FAT3: variants seen among roughly 807,000 people sequenced by gnomAD.
FAT3 encodes the protein protocadherin Fat 3.
Under a neutral mutation model 310.2 loss-of-function variants are expected in FAT3, and 95 were observed. The ratio of observed to expected loss-of-function variants is 0.31; its 90% CI spans 0.26 to 0.36. The LOEUF is 0.36. Among genes scored for constraint, FAT3 ranks in the 10% least tolerant of loss-of-function variants. FAT3 has a pLI of 1.00. For missense variants in FAT3, 5,408 were observed against 5,715.6 expected, an observed-to-expected ratio of 0.95 and a Z score of 1.74; for synonymous variants, 2,314 against 2,192.9, an observed-to-expected ratio of 1.06 and a Z score of -1.54.
intron 1 of FAT3, among the ~76,000 whole-genome samples, chr11:92,278,807 T>C (rs1946347545): frequency 6.6e-6 from 1 of 152,094 alleles, no homozygotes; most frequent in Admixed American, 6.6e-5. Context: ...TTAGTAAAGG[T>C]ATGGAGCTAG....
At chr11:92,566,195 A>G in intron 3 of FAT3, among the ~76,000 whole-genome samples, 1 of 152,208 alleles carries the variant, frequency 6.6e-6, no homozygotes, top group Non-Finnish European at 1.5e-5. Context: ...TAGTCTCAGG[A>G]TACAAAATCA....
chr11:92,526,028 T>C (rs1051562146), intron 3 of FAT3, among the ~76,000 whole-genome samples: 17 of 152,232 alleles, frequency 1.1e-4, no homozygotes, highest in Non-Finnish European at 2.5e-4. Context: ...TTTTGCATTC[T>C]AACAGTGTTG....
At chr11:92,557,885 A>G (rs1955078126) in intron 3 of FAT3, among the ~76,000 whole-genome samples, 1 of 152,322 alleles carries the variant, frequency 6.6e-6, no homozygotes, top group Admixed American at 6.5e-5. Context: ...CTGAGGGCTA[A>G]CTTATTTGGA....
At chr11:92,406,278 A>G (rs1478148712) in intron 2 of FAT3, among the ~76,000 whole-genome samples, 3 of 152,184 alleles carry the variant, frequency 2.0e-5, no homozygotes. Flanking sequence ...CATACTTTCT[A>G]TCACATTGTC....
chr11:92,818,163 C>G (rs913935398), intron 13 of FAT3, among the ~76,000 whole-genome samples: 5 of 152,186 alleles, frequency 3.3e-5, no homozygotes, highest in African/African-American at 1.2e-4. Context: ...GTCAAATCTT[C>G]TATCGTCAGC....
chr11:92,263,205 A>G (rs1565187493), intron 1 of FAT3, among the ~76,000 whole-genome samples: 1 of 151,882 alleles, frequency 6.6e-6, no homozygotes. Context: ...TGTTGTCGAC[A>G]ATTCTAGGCA....
chr11:92,696,912 C>T (rs766306020), intron 3 of FAT3, among the ~76,000 whole-genome samples: 2 of 152,054 alleles, frequency 1.3e-5, no homozygotes, highest in Non-Finnish European at 1.5e-5. Flanking sequence ...GTACAAGTAG[C>T]GATTACAACA....
chr11:92,706,070 C>T (rs893822477), intron 4 of FAT3, among the ~76,000 whole-genome samples: 37 of 148,686 alleles, frequency 2.5e-4, no homozygotes, highest in South Asian at 2.2e-4. Context: ...GTGGTAGTGA[C>T]GACTGTGATG....
chr11:92,564,206 T>C (rs1236012229), intron 3 of FAT3, among the ~76,000 whole-genome samples: 2 of 151,470 alleles, frequency 1.3e-5, no homozygotes, highest in Non-Finnish European at 2.9e-5. Flanking sequence ...ATCAAACAAA[T>C]GGAAAACAAA....
intron 2 of FAT3, among the ~76,000 whole-genome samples, chr11:92,435,179 G>A (rs543634930): frequency 6.6e-6 from 1 of 152,302 alleles, no homozygotes; most frequent in South Asian, 2.1e-4. Flanking sequence ...CCATGGGACT[G>A]GACAGGGGCT....
At chr11:92,438,712 C>T (rs1157752889) in intron 2 of FAT3, among the ~76,000 whole-genome samples, 1 of 152,122 alleles carries the variant, frequency 6.6e-6, no homozygotes, top group Non-Finnish European at 1.5e-5. Context: ...AAGGTCAGGA[C>T]AGTTGCAATA....
At position 92,790,053 on chromosome 11, in the gene FAT3, T is replaced by G. The variant is rs765024451; in HGVS notation, c.4446T>G (p.Ile1482Met). Residue 1482 changes from isoleucine (I) to methionine (M), a missense_variant, in exon 8 of 28, where the codon ATT becomes ATG. Coordinates refer to ENST00000525166, the MANE Select transcript of FAT3 (RefSeq NM_001367949.2). ...TTCCAGACACGGAGATCCTGCAGAT[T>G]GAAGCCACAGATAGAGATGAGAAGC... is the stretch of plus-strand genomic sequence containing the variant. ...DVLPDTEILQ[I>M]EATDRDEKHK... 6.2e-6 allele frequency: 10 copies of G among 1,613,750 alleles called. No homozygotes were observed. The highest frequency in any genetic ancestry group is 8.5e-6 in the Non-Finnish European group (10 of 1,179,784).
chr11:92,727,946 C>T (rs925036398), intron 4 of FAT3, among the ~76,000 whole-genome samples: 1 of 152,196 alleles, frequency 6.6e-6, no homozygotes, highest in Non-Finnish European at 1.5e-5. Flanking sequence ...TTGTTGCTGG[C>T]TGTTCTTCTC....
chr11:92,580,858 C>T (rs2135531059), intron 3 of FAT3, among the ~76,000 whole-genome samples: 1 of 151,536 alleles, frequency 6.6e-6, no homozygotes, highest in East Asian at 1.9e-4. Flanking sequence ...GGCAGTTTCA[C>T]CTTTTCCTGC....
At chr11:92,393,322 C>T (rs1020640129) in intron 2 of FAT3, among the ~76,000 whole-genome samples, 2 of 152,092 alleles carry the variant, frequency 1.3e-5, no homozygotes, top group South Asian at 2.1e-4. Context: ...ACCAGCCTCT[C>T]TTTGAAAGGC....
At position 92,495,427 on chromosome 11, in the gene FAT3, C is replaced by T. The variant is rs536121613; in HGVS notation, c.3293-29207C>T. Among the ~76,000 whole-genome samples the T allele has an allele frequency of 5.3e-5, 8 of 152,198 alleles. No individual in the cohort carries two copies. The South Asian group carries it at 1.2e-3, about 24-fold the overall frequency. The stretch of plus-strand genomic sequence containing the variant: ...CAATGAAGTGTTCAACAAATGTTGA[C>T]TGGCTTGTTTGGCTCAAAACAATTG... On this transcript the variant is annotated intron_variant, in intron 2 of 27. Transcript: ENST00000525166.
intron 4 of FAT3, among the ~76,000 whole-genome samples, chr11:92,708,863 A>G (rs1190493668): frequency 6.6e-6 from 1 of 152,236 alleles, no homozygotes; most frequent in Non-Finnish European, 1.5e-5. Context: ...AATAAGCTGT[A>G]AACATGTAAG....
intron 3 of FAT3, among the ~76,000 whole-genome samples, chr11:92,642,176 G>T (rs1414427892): frequency 1.3e-5 from 2 of 152,194 alleles, no homozygotes; most frequent in Non-Finnish European, 2.9e-5. Context: ...ATGGATGCTG[G>T]TAGAGGAAAA....
intron 1 of FAT3, among the ~76,000 whole-genome samples, chr11:92,243,585 C>T (rs947935): frequency 0.64 from 97,105 of 151,832 alleles, 32,191 homozygotes; most frequent in African/African-American, 0.83. Context: ...ATTTATTGTT[C>T]TAGCAATCTG....
Sources: gnomAD v4.1 joint callset for allele counts (sites outside exome capture counted in the v4.1 genomes callset) on GRCh38, gnomAD v4.1.1 for gene constraint, MANE v1.5 for transcripts, NCBI Gene and HGNC (gene_info 2026-07-23, HGNC 2026-07-21) for gene names.